The following DNMBP variants were observed in gnomAD, a reference collection of about 807,000 sequenced individuals.
DNMBP encodes the protein dynamin-binding protein.
In DNMBP, 87 loss-of-function variants were observed where a neutral mutation model predicts 150.0. The observed-to-expected ratio is 0.58, with a 90% CI of 0.49 to 0.69. The LOEUF (loss-of-function observed/expected upper bound fraction) is 0.69, where lower values mean the gene tolerates loss of function less well. DNMBP is among the 30% of genes least tolerant of loss of function. DNMBP has a pLI of 0.00. For missense variants in DNMBP, 1,774 were observed against 1,949.0 expected (o/e 0.91, Z 1.69); for synonymous variants, 711 against 750.4 (o/e 0.95, Z 0.86).
intron 4 of DNMBP, among the ~76,000 whole-genome samples, chr10:99,937,516 C>G (rs1340220099): frequency 6.6e-6 from 1 of 152,232 alleles, no homozygotes; most frequent in African/African-American, 2.4e-5. Flanking sequence ...TGTTTGATTT[C>G]ATGGCACTAG....
At chr10:99,896,663 C>T (rs1034550805) in intron 9 of DNMBP, among the ~76,000 whole-genome samples, 1 of 152,102 alleles carries the variant, frequency 6.6e-6, no homozygotes, top group Non-Finnish European at 1.5e-5. Flanking sequence ...GAAGTCAATG[C>T]CTGGGTCTGC....
intron 1 of DNMBP, among the ~76,000 whole-genome samples, chr10:100,004,024 G>T (rs1369118902): frequency 1.3e-5 from 2 of 151,104 alleles, no homozygotes; most frequent in Non-Finnish European, 2.9e-5. Flanking sequence ...TGGAGCCCGG[G>T]AGTTCAAGAC....
chr10:99,930,389 A>G, intron 4 of DNMBP: 2 of 702,966 alleles, frequency 2.8e-6, no homozygotes. Context: ...TCGAGGTCAC[A>G]TCTGGGCTTC....
At position 99,935,023 on chromosome 10, in the gene DNMBP, C is replaced by T. The variant is rs201589485; in HGVS notation, c.2260+20191G>A. On this transcript the variant is annotated intron_variant, in intron 4 of 16. Coordinates refer to ENST00000324109, the MANE Select transcript of DNMBP (RefSeq NM_015221.4). Reference sequence around the variant, plus strand: ...ATCAGTTGAGCCCGGGTGGTCAAGGCTGCAGTAAGCCATGATTGCACCACT... The same window carrying T: ...ATCAGTTGAGCCCGGGTGGTCAAGGTTGCAGTAAGCCATGATTGCACCACT... 1.2e-3 allele frequency among the ~76,000 whole-genome samples: 138 copies of T among 111,328 alleles called. 4 individuals carry two copies. In the East Asian group the frequency reaches 0.037, roughly 30 times the overall value. The allele number at this position is 111,328 out of a possible 152,430, so 73.0% of individuals were successfully genotyped here.
At chr10:99,988,989 T>C (rs147733628) in intron 1 of DNMBP, among the ~76,000 whole-genome samples, 1 of 152,250 alleles carries the variant, frequency 6.6e-6, no homozygotes, top group East Asian at 1.9e-4. Context: ...TATACCCATG[T>C]CCATTCACCT....
At chr10:99,961,100 A>G (rs2040558723) in intron 3 of DNMBP, among the ~76,000 whole-genome samples, 1 of 151,548 alleles carries the variant, frequency 6.6e-6, no homozygotes, top group Non-Finnish European at 1.5e-5. Context: ...AGAGTCTGGT[A>G]TGATGCCTTT....
intron 4 of DNMBP, among the ~76,000 whole-genome samples, chr10:99,934,208 T>C (rs538129045): frequency 2.0e-5 from 3 of 152,200 alleles, no homozygotes; most frequent in Non-Finnish European, 4.4e-5. Flanking sequence ...AGGTGCTGTA[T>C]AGTATATAAA....
Position 99,880,248 on chromosome 10 carries a change from A to G in DNMBP, c.4111T>C (p.Ser1371Pro). The G allele has an allele frequency of 1.2e-6, 2 of 1,614,018 alleles. No individual in the cohort carries two copies. The highest frequency in any genetic ancestry group is 1.7e-6 in the Non-Finnish European group (2 of 1,180,002). Residue 1371 changes from serine to proline, a missense_variant, in exon 16 of 17, where the codon TCC (serine) becomes CCC (proline). Ser to Pro is a moderately conservative substitution (Grantham distance 74). Coordinates refer to ENST00000324109, the MANE Select transcript of DNMBP (RefSeq NM_015221.4). ...SSTESEHGSS[S>P]PRFPRQNSGS... is the part of the protein sequence containing the mutation. ...CTGTTCTGGCGTGGGAACCTGGGGGAGGAGCTGCCGTGCTCAGACTCTGTG... is the reference window on the plus strand; with the variant it reads ...CTGTTCTGGCGTGGGAACCTGGGGGGGGAGCTGCCGTGCTCAGACTCTGTG...
intron 4 of DNMBP, among the ~76,000 whole-genome samples, chr10:99,949,805 C>A (rs1276945879): frequency 6.6e-6 from 1 of 152,112 alleles, no homozygotes; most frequent in East Asian, 1.9e-4. Flanking sequence ...TAAAAAAGAA[C>A]ACCAGTTTTA....
Position 99,955,510 on chromosome 10 carries a change from G to C in DNMBP, c.1964C>G (p.Thr655Arg). 6.3e-7 allele frequency: 1 copy of C among 1,598,002 alleles called. No individual in the cohort carries two copies. Among genetic ancestry groups the C allele is most frequent in the Non-Finnish European group, 8.5e-7 (1 of 1,171,888 alleles). ...TAGGAGCTTGGGGGATACCGCATTCGTTCTCTGCTGTGCTGAGGGAGGCAG... is the reference window on the plus strand; with the variant it reads ...TAGGAGCTTGGGGGATACCGCATTCCTTCTCTGCTGTGCTGAGGGAGGCAG... ...APLPPSAQQR[T>R]NAVSPKLLSR... The change falls in exon 4 of 17, where the codon ACG becomes AGG. Residue 655 changes from threonine to arginine, a missense_variant. Thr to Arg is a moderately conservative substitution (Grantham distance 71). Coordinates refer to ENST00000324109, the MANE Select transcript of DNMBP (RefSeq NM_015221.4).
chr10:99,935,057 C>T (rs1206657182), intron 4 of DNMBP, among the ~76,000 whole-genome samples: 1 of 108,694 alleles, frequency 9.2e-6, no homozygotes, highest in Non-Finnish European at 1.7e-5. Context: ...CTGCACTCAG[C>T]CTTGGTGATA....
At chr10:99,886,700 T>G in intron 12 of DNMBP, 68 bp from the exon 13 acceptor site, 1 of 1,461,808 alleles carries the variant, frequency 6.8e-7, no homozygotes, top group Admixed American at 1.9e-5. Flanking sequence ...TCCAAGTCAC[T>G]CTTAAGGCTG....
At chr10:99,903,082 G>A (rs926902506) in intron 6 of DNMBP, among the ~76,000 whole-genome samples, 12 of 149,618 alleles carry the variant, frequency 8.0e-5, no homozygotes, top group African/African-American at 3.0e-4. Flanking sequence ...CTACAGGTAT[G>A]TGCTACCACA....
intron 4 of DNMBP, among the ~76,000 whole-genome samples, chr10:99,925,329 T>A (rs1489594092): frequency 1.3e-5 from 2 of 152,216 alleles, no homozygotes; most frequent in Non-Finnish European, 2.9e-5. Flanking sequence ...CATTTCAATT[T>A]CTCTGAGCTC....
At chr10:99,984,206 T>C (rs1367875987) in intron 1 of DNMBP, among the ~76,000 whole-genome samples, 2 of 152,166 alleles carry the variant, frequency 1.3e-5, no homozygotes, top group Non-Finnish European at 2.9e-5. Flanking sequence ...AAGATTAATA[T>C]TTCAGGACCT....
intron 1 of DNMBP, among the ~76,000 whole-genome samples, chr10:99,998,956 A>G (rs1425960791): frequency 6.6e-6 from 1 of 152,226 alleles, no homozygotes; most frequent in African/African-American, 2.4e-5. Flanking sequence ...CTTTATTATG[A>G]AAAGGATTGA....
At chr10:99,990,550 C>CA (rs1223486953) in intron 1 of DNMBP, among the ~76,000 whole-genome samples, 1,122 of 102,442 alleles carry the variant, frequency 0.011, 10 homozygotes, top group African/African-American at 0.032. Context: ...GATCCTGTCT[C>CA]AAAAAAAAAA....
intron 1 of DNMBP, among the ~76,000 whole-genome samples, chr10:99,975,471 A>C (rs2040718472): frequency 6.6e-6 from 1 of 152,180 alleles, no homozygotes; most frequent in Non-Finnish European, 1.5e-5. Context: ...TTAATAAATC[A>C]TGCTACACAA....
chr10:99,969,205 TCA>T lies in DNMBP; in HGVS notation c.176_177del (p.Val59AspfsTer17). The T allele has an allele frequency of 1.2e-6, 2 of 1,614,092 alleles. No homozygotes were observed. Among genetic ancestry groups the T allele is most frequent in the Non-Finnish European group, 1.7e-6 (2 of 1,179,948 alleles). ...GQFPSSFVEI[V>X]TIPSLKEGER... ...TCTCCCTCTTTTAGACTGGGAATGG[TCA>T]CAATTTCCACAAAACTGCTGGGGAA... On this transcript the variant is annotated frameshift_variant, in exon 3 of 17. Coordinates refer to ENST00000324109, the MANE Select transcript of DNMBP (RefSeq NM_015221.4). LOFTEE classifies it high-confidence loss of function.
Sources: allele counts gnomAD v4.1 joint callset (sites outside exome capture counted in the v4.1 genomes callset), GRCh38; gene constraint gnomAD v4.1.1; transcripts MANE v1.5; gene names NCBI Gene and HGNC (gene_info 2026-07-23, HGNC 2026-07-21).